Variants in FAT2 observed in about 807,000 individuals in gnomAD.
The protein encoded by FAT2 is FAT atypical cadherin 2, also known as protocadherin Fat 2.
Under a neutral mutation model 295.3 loss-of-function variants are expected in FAT2, and 150 were observed. The ratio of observed to expected loss-of-function variants is 0.51; its 90% CI spans 0.44 to 0.58. The LOEUF (loss-of-function observed/expected upper bound fraction) is 0.58, where lower values mean the gene tolerates loss of function less well. FAT2 is among the 20% of genes least tolerant of loss of function. The pLI, the probability that FAT2 is intolerant of heterozygous loss-of-function variation, is 0.00. For missense variants in FAT2, 4,868 were observed against 5,442.7 expected, an observed-to-expected ratio of 0.89 and a Z score of 3.32; for synonymous variants, 2,026 against 2,150.3, an observed-to-expected ratio of 0.94 and a Z score of 1.60.
intron 13 of FAT2, among the ~76,000 whole-genome samples, chr5:151,533,119 G>A (rs1754833270): frequency 6.6e-6 from 1 of 152,132 alleles, no homozygotes; most frequent in Admixed American, 6.5e-5. Flanking sequence ...CTGTGTGATT[G>A]TAGAGGGCAG....
At chr5:151,580,603 A>G (rs1409061004) in intron 1 of FAT2, among the ~76,000 whole-genome samples, 2 of 152,230 alleles carry the variant, frequency 1.3e-5, no homozygotes, top group Admixed American at 1.3e-4. Flanking sequence ...GTGCTCGCAC[A>G]CACACACACG....
chr5:151,536,640 C>T (rs1402352844), intron 12 of FAT2, among the ~76,000 whole-genome samples: 1 of 152,218 alleles, frequency 6.6e-6, no homozygotes, highest in Admixed American at 6.5e-5. Flanking sequence ...CTCTGCTTCC[C>T]ACTCTGCTCT....
chr5:151,568,638 C>T lies in FAT2; in HGVS notation c.294G>A (p.Arg98=), dbSNP rs770882451. 1 of 1,614,110 alleles carries T rather than the reference C, an allele frequency of 6.2e-7. No individual in the cohort carries two copies. Among genetic ancestry groups the T allele is most frequent in the Non-Finnish European group, 8.5e-7 (1 of 1,180,020 alleles). The change falls in exon 2 of 24, where the codon AGG becomes AGA. Residue 98 remains arginine (R), a synonymous_variant. Coordinates refer to ENST00000261800, the MANE Select transcript of FAT2 (RefSeq NM_001447.3). The part of the protein sequence containing the change: ...VVGNFCFLRI[R]TKSSNTALLN... ...GAAGAGCTGTGTTGCTGCTCTTTGT[C>T]CTTATTCTTAGGAAGCAGAAGTTGC...
intron 2 of FAT2, 26 bp downstream of exon 2, chr5:151,565,647 A>ACCGCCCCCC: frequency 4.8e-6 from 7 of 1,461,024 alleles, no homozygotes; most frequent in Non-Finnish European, 3.7e-6. Flanking sequence ...TGGCCCTGGC[A>ACCGCCCCCC]CCCCACCCTA....
Position 151,546,337 on chromosome 5 carries a change from C to G in FAT2, c.4790G>C (p.Gly1597Ala), listed in dbSNP as rs1312138959. The part of the protein sequence containing the change: ...NAEVHYSLLK[G>A]NSEGFFNINA... ...GATGTTGAAGAAACCTTCGCTGTTCCCTGAAACAGAAGACAAGACAAACAA... is the reference window on the plus strand; with the variant it reads ...GATGTTGAAGAAACCTTCGCTGTTCGCTGAAACAGAAGACAAGACAAACAA... Residue 1597 changes from glycine to alanine, a missense_variant and splice_region_variant, in exon 10 of 24, where the codon GGG becomes GCG. This residue lies in a region of FAT2 where 3,297 missense variants were observed against 3,669.4 expected (regional missense o/e 0.90). Transcript: ENST00000261800. 1 of 1,608,126 alleles carries G rather than the reference C, an allele frequency of 6.2e-7. No homozygotes were observed. The highest frequency in any genetic ancestry group is 2.2e-5 in the East Asian group (1 of 44,836).
Position 151,565,929 on chromosome 5 carries a change from G to A in FAT2, c.3003C>T (p.Ala1001=), listed in dbSNP as rs1211025249. ...RRAGYNLSLW[A]SDGGRPLARR... ...GGGCTAGGGGCCTCCCACCATCACT[G>A]GCCCACAGGCTCAGATTGTACCCAG... The change falls in exon 2 of 24, where the codon GCC becomes GCT. Residue 1001 remains alanine, a synonymous_variant. Transcript: ENST00000261800. 6.2e-7 allele frequency: 1 copy of A among 1,613,896 alleles called. No individual in the cohort carries two copies. The highest frequency in any genetic ancestry group is 8.5e-7 in the Non-Finnish European group (1 of 1,180,010).
chr5:151,559,997 A>G (rs899297057), intron 3 of FAT2, among the ~76,000 whole-genome samples: 3 of 152,078 alleles, frequency 2.0e-5, no homozygotes, highest in African/African-American at 4.8e-5. Flanking sequence ...CTCCAAACAA[A>G]TGTTTCCCCA....
chr5:151,569,860 A>G (rs1758454081), intron 1 of FAT2, among the ~76,000 whole-genome samples: 1 of 152,254 alleles, frequency 6.6e-6, no homozygotes, highest in Non-Finnish European at 1.5e-5. Context: ...GCAGGAAAGC[A>G]AAGTGACCAA....
rs1191715963 is a variant in FAT2, at chr5:151,504,334, G to C, written c.*1231C>G. 2.0e-5 allele frequency: 3 copies of C among 152,702 alleles called. No individual in the cohort carries two copies. Among genetic ancestry groups the C allele is most frequent in the Non-Finnish European group, 4.4e-5 (3 of 68,068 alleles). 9.5% of individuals were successfully genotyped at this position (152,702 alleles called of 1,614,324 possible). Reference sequence around the variant, plus strand: ...GGCAGTGGACCAGAGGGAGGGACTGGGTGGGAGGGAGTGGTGAGGTCACCA... The same window carrying C: ...GGCAGTGGACCAGAGGGAGGGACTGCGTGGGAGGGAGTGGTGAGGTCACCA... On this transcript the variant is annotated 3_prime_UTR_variant, in exon 24 of 24. Coordinates refer to ENST00000261800, the MANE Select transcript of FAT2 (RefSeq NM_001447.3).
At position 151,534,883 on chromosome 5, in the gene FAT2, T is replaced by C. The variant is rs76590504; in HGVS notation, c.9194-241A>G. 0.16 allele frequency among the ~76,000 whole-genome samples: 23,553 copies of C among 150,488 alleles called. 2,014 individuals carry two copies. Among genetic ancestry groups the C allele is most frequent in the South Asian group, 0.29 (1,358 of 4,710 alleles). On this transcript the variant is annotated intron_variant, in intron 12 of 23. Transcript: ENST00000261800. ...AAGATCATCATCAACAAGCTAAAAA[T>C]AGGTATATTCTTAATGGCCAATTAG... is the stretch of plus-strand genomic sequence containing the variant.
chr5:151,541,386 G>T (rs946644655), intron 10 of FAT2, among the ~76,000 whole-genome samples: 5 of 152,208 alleles, frequency 3.3e-5, no homozygotes, highest in Non-Finnish European at 5.9e-5. Flanking sequence ...TAAGACTTCT[G>T]TGTTTTTAGG....
At position 151,512,495 on chromosome 5, in the gene FAT2, C is replaced by G; in HGVS notation, c.11575G>C (p.Glu3859Gln). Residue 3859 changes from glutamate (E) to glutamine (Q), a missense_variant, in exon 21 of 24, where the codon GAG (glutamate) becomes CAG (glutamine). Glu to Gln is a conservative substitution (Grantham distance 29). Transcript: ENST00000261800. This position sits in a 1 kb window ranked among gnomAD's most constrained non-coding sequence, Gnocchi z 4.1. ...DHEWHSILVE[E>Q]MDASIRLMVD... ...ATCAGGCGAATGGAAGCGTCCATCT[C>G]CTCCACCAGGATGGAGTGCCACTCG... The G allele has an allele frequency of 6.2e-7, 1 of 1,614,190 alleles. No homozygotes were observed. The highest frequency in any genetic ancestry group is 8.5e-7 in the Non-Finnish European group (1 of 1,180,042).
At position 151,567,018 on chromosome 5, in the gene FAT2, C is replaced by T. The variant is rs112966903; in HGVS notation, c.1914G>A (p.Leu638=). 8 of 1,614,080 alleles carry T rather than the reference C, an allele frequency of 5.0e-6. No homozygotes were observed. The African/African-American group carries it at 9.3e-5, about 19-fold the overall frequency. ...LTAGQPTSYS[L]KITASDGKNY... is the part of the protein sequence containing the mutation. ...TTTTGCCATCTGAGGCTGTAATCTT[C>T]AGGGAATAACTGGTGGGTTGACCAG... The change falls in exon 2 of 24, where the codon CTG becomes CTA. Residue 638 remains leucine, a synonymous_variant. Coordinates refer to ENST00000261800, the MANE Select transcript of FAT2 (RefSeq NM_001447.3).
chr5:151,534,096 G>T (rs1754973210), intron 13 of FAT2, among the ~76,000 whole-genome samples: 1 of 152,110 alleles, frequency 6.6e-6, no homozygotes. Context: ...GTATATTTCT[G>T]ATTAAATGTT....
intron 14 of FAT2, among the ~76,000 whole-genome samples, chr5:151,530,671 A>G (rs1754491741): frequency 6.6e-6 from 1 of 152,206 alleles, no homozygotes; most frequent in Admixed American, 6.5e-5. Context: ...AGAAATTGTT[A>G]TCTTTTAGGT....
intron 12 of FAT2, among the ~76,000 whole-genome samples, chr5:151,535,501 G>T (rs1319838565): frequency 6.6e-6 from 1 of 152,124 alleles, no homozygotes; most frequent in Non-Finnish European, 1.5e-5. Context: ...TTCCTGGAGG[G>T]TGGTGCGCCC....
chr5:151,552,712 G>A (rs747704980), intron 6 of FAT2, among the ~76,000 whole-genome samples: 12 of 152,186 alleles, frequency 7.9e-5, no homozygotes, highest in South Asian at 2.1e-4. Context: ...ATCAGAGCCC[G>A]GATCCAAGTG....
Position 151,549,369 on chromosome 5 carries a change from G to A in FAT2, c.4715C>T (p.Thr1572Ile), listed in dbSNP as rs2127619171. The A allele has an allele frequency of 6.2e-7, 1 of 1,614,044 alleles. No individual in the cohort carries two copies. Among genetic ancestry groups the A allele is most frequent in the Middle Eastern group, 1.7e-4 (1 of 5,968 alleles). Residue 1572 changes from threonine to isoleucine, a missense_variant, in exon 9 of 24, where the codon ACA becomes ATA. Physicochemically the swap from Thr to Ile is moderately conservative, Grantham distance 89. Coordinates refer to ENST00000261800, the MANE Select transcript of FAT2 (RefSeq NM_001447.3). ...ASVPDTIAPG[T>I]ELLQVRAMDA... is the part of the protein sequence containing the mutation. The stretch of plus-strand genomic sequence containing the variant: ...CATGGCTCGGACCTGCAGCAGCTCT[G>A]TGCCGGGGGCTATGGTGTCAGGAAC...
intron 15 of FAT2, 81 bp downstream of exon 15, chr5:151,529,097 A>G (rs1754321418): frequency 8.3e-7 from 1 of 1,205,972 alleles, no homozygotes; most frequent in Non-Finnish European, 1.2e-6. Context: ...ATCCATGCTC[A>G]TAGATGGCTG....
Sources: gnomAD v4.1 joint callset for allele counts (sites outside exome capture counted in the v4.1 genomes callset) on GRCh38, gnomAD v4.1.1 for gene constraint, gnomAD v4.1.1 regional missense constraint, Gnocchi (gnomAD v3.1) non-coding constraint, MANE v1.5 for transcripts, NCBI Gene and HGNC (gene_info 2026-07-23, HGNC 2026-07-21) for gene names.